Variants in ADK observed in about 807,000 individuals in gnomAD.
ADK encodes adenosine kinase.
ADK carries 24 observed loss-of-function variants against 44.7 expected under a neutral mutation model. That is an observed-to-expected ratio of 0.54 (90% confidence interval 0.39 to 0.76). The LOEUF is 0.76. Ranked by LOEUF, ADK falls within the 30% of genes least tolerant of loss-of-function variation. ADK has a pLI of 0.00. For missense variants in ADK, 321 were observed against 425.1 expected (o/e 0.76, Z 2.15); for synonymous variants, 128 against 142.6 (o/e 0.90, Z 0.73).
At chr10:74,259,168 C>T (rs1845945483) in intron 3 of ADK, among the ~76,000 whole-genome samples, 1 of 151,966 alleles carries the variant, frequency 6.6e-6, no homozygotes, top group African/African-American at 2.4e-5. Flanking sequence ...TGATTTCGAA[C>T]TCCTGGCCTC....
In ADK at chr10:74,185,267, A is replaced by G. The variant is rs537355064; in HGVS notation, c.66-15497A>G. The stretch of plus-strand genomic sequence containing the variant: ...GTTTTGCTGTAAAGGAGAGCAGGGA[A>G]ATAATGGTAGTTGGAAGTACATGCT... On this transcript the variant is annotated intron_variant, in intron 1 of 10. Coordinates refer to ENST00000539909, the MANE Select transcript of ADK (RefSeq NM_006721.4). Among the ~76,000 whole-genome samples the G allele has an allele frequency of 1.1e-4, 16 of 152,306 alleles. 1 individual carries two copies. In the South Asian group the frequency reaches 1.9e-3, roughly 18 times the overall value.
At chr10:74,427,807 C>T (rs939378088) in intron 6 of ADK, among the ~76,000 whole-genome samples, 3 of 151,756 alleles carry the variant, frequency 2.0e-5, no homozygotes, top group Non-Finnish European at 4.4e-5. Flanking sequence ...AGCAAAGGAG[C>T]GAAGTCACAA....
intron 6 of ADK, among the ~76,000 whole-genome samples, chr10:74,510,924 T>C (rs143268460): frequency 1.3e-5 from 2 of 152,222 alleles, no homozygotes; most frequent in African/African-American, 4.8e-5. Context: ...TCGAGGCTGA[T>C]CTCAAACTCC....
chr10:74,557,184 A>G (rs995697711), intron 7 of ADK, among the ~76,000 whole-genome samples: 2 of 152,216 alleles, frequency 1.3e-5, no homozygotes, highest in African/African-American at 4.8e-5. Context: ...TCTTGACTGA[A>G]ACGTGTAAGA....
intron 5 of ADK, among the ~76,000 whole-genome samples, chr10:74,396,971 A>G (rs1843540243): frequency 1.3e-5 from 2 of 152,056 alleles, no homozygotes; most frequent in Non-Finnish European, 2.9e-5. Context: ...AAAAAAAAAA[A>G]AAGAATACTT....
At chr10:74,435,319 C>T (rs1323591156) in intron 6 of ADK, among the ~76,000 whole-genome samples, 1 of 152,082 alleles carries the variant, frequency 6.6e-6, no homozygotes, top group Non-Finnish European at 1.5e-5. Flanking sequence ...GTAACTTGAG[C>T]CTCACAGTAA....
At chr10:74,592,078 G>A (rs1851744300) in intron 8 of ADK, among the ~76,000 whole-genome samples, 1 of 152,028 alleles carries the variant, frequency 6.6e-6, no homozygotes, top group Non-Finnish European at 1.5e-5. Context: ...TTTTCAGTGA[G>A]AAGCAGCAGC....
chr10:74,691,648 C>T (rs1855993284), intron 10 of ADK, among the ~76,000 whole-genome samples: 1 of 152,132 alleles, frequency 6.6e-6, no homozygotes, highest in African/African-American at 2.4e-5. Context: ...GGTAAATTCT[C>T]CATGGCTTGT....
intron 9 of ADK, among the ~76,000 whole-genome samples, chr10:74,606,042 A>T (rs1424407411): frequency 1.3e-5 from 2 of 152,174 alleles, no homozygotes; most frequent in African/African-American, 4.8e-5. Flanking sequence ...AGATGTTTAT[A>T]ATATCCACTG....
chr10:74,455,750 C>T (rs532325255), intron 6 of ADK, among the ~76,000 whole-genome samples: 3 of 152,228 alleles, frequency 2.0e-5, no homozygotes, highest in African/African-American at 7.2e-5. Context: ...CCTCGTGATC[C>T]TCCCGCCCTC....
intron 9 of ADK, among the ~76,000 whole-genome samples, chr10:74,615,784 C>T (rs535429653): frequency 6.6e-6 from 1 of 152,272 alleles, no homozygotes; most frequent in East Asian, 1.9e-4. Flanking sequence ...TCTCGGCTCA[C>T]TGCAATCTCC....
At chr10:74,658,148 G>A (rs1854561935) in intron 9 of ADK, among the ~76,000 whole-genome samples, 1 of 152,090 alleles carries the variant, frequency 6.6e-6, no homozygotes, top group South Asian at 2.1e-4. Context: ...TTTAACAGGG[G>A]AATAACATCA....
intron 10 of ADK, among the ~76,000 whole-genome samples, chr10:74,680,478 T>C (rs2134230801): frequency 6.6e-6 from 1 of 152,204 alleles, no homozygotes; most frequent in South Asian, 2.1e-4. Context: ...GTGGATGTAC[T>C]GGGAGGTGGC....
chr10:74,418,766 T>G (rs987948459), intron 6 of ADK, among the ~76,000 whole-genome samples: 1 of 152,174 alleles, frequency 6.6e-6, no homozygotes, highest in African/African-American at 2.4e-5. Context: ...TGCCCTGTAA[T>G]TTGATCCCCA....
At chr10:74,168,240 A>G (rs1295685468) in intron 1 of ADK, among the ~76,000 whole-genome samples, 1 of 152,190 alleles carries the variant, frequency 6.6e-6, no homozygotes, top group Admixed American at 6.5e-5. Context: ...TAATGAATGA[A>G]CAATTTAAAA....
chr10:74,157,021 T>C (rs1841765124), intron 1 of ADK, among the ~76,000 whole-genome samples: 1 of 152,220 alleles, frequency 6.6e-6, no homozygotes, highest in South Asian at 2.1e-4. Context: ...AAACTGAAGC[T>C]GGGCTGAGAC....
At chr10:74,272,247 C>T (rs1846460329) in intron 3 of ADK, among the ~76,000 whole-genome samples, 1 of 151,352 alleles carries the variant, frequency 6.6e-6, no homozygotes, top group Admixed American at 6.6e-5. Context: ...TATTTAAATA[C>T]TGTGTGATGA....
At chr10:74,337,448 T>C (rs1041174729) in intron 4 of ADK, among the ~76,000 whole-genome samples, 4 of 152,206 alleles carry the variant, frequency 2.6e-5, no homozygotes, top group African/African-American at 7.2e-5. Context: ...AGGAAGATAC[T>C]GGCTATTGGA....
At chr10:74,180,797 C>G (rs1450984454) in intron 1 of ADK, among the ~76,000 whole-genome samples, 1 of 152,172 alleles carries the variant, frequency 6.6e-6, no homozygotes, top group African/African-American at 2.4e-5. Flanking sequence ...GTGATCCCCC[C>G]ACTTCGGCCT....
Sources: gnomAD v4.1 joint callset for allele counts (sites outside exome capture counted in the v4.1 genomes callset) on GRCh38, gnomAD v4.1.1 for gene constraint, MANE v1.5 for transcripts, NCBI Gene and HGNC (gene_info 2026-07-23, HGNC 2026-07-21) for gene names.